The following NR5A2 variants were observed in gnomAD, a reference collection of about 807,000 sequenced individuals.
The protein encoded by NR5A2 is CYP7A promoter-binding factor.
Under a neutral mutation model 62.7 loss-of-function variants are expected in NR5A2, and 26 were observed. The observed-to-expected ratio is 0.41, with a 90% CI of 0.30 to 0.58. NR5A2 has a LOEUF of 0.58. Ranked by LOEUF, NR5A2 falls within the 20% of genes least tolerant of loss-of-function variation. The pLI, the probability that NR5A2 is intolerant of heterozygous loss-of-function variation, is 0.22. For synonymous variants in NR5A2, 246 were observed against 241.7 expected (o/e 1.02, Z -0.16); for missense variants, 541 against 669.1 (o/e 0.81, Z 2.11).
chr1:200,072,103 T>C (rs930131496), intron 5 of NR5A2, among the ~76,000 whole-genome samples: 4 of 152,164 alleles, frequency 2.6e-5, no homozygotes, highest in African/African-American at 9.7e-5. Context: ...AACTCATTTA[T>C]ATAAATCGAG....
chr1:200,035,204 G>T (rs1661720536), intron 1 of NR5A2, among the ~76,000 whole-genome samples: 1 of 152,154 alleles, frequency 6.6e-6, no homozygotes, highest in Non-Finnish European at 1.5e-5. Flanking sequence ...CTAAAAGGTA[G>T]ATATGTGGGA....
intron 5 of NR5A2, among the ~76,000 whole-genome samples, chr1:200,064,474 A>G (rs1420315241): frequency 1.3e-5 from 2 of 152,210 alleles, no homozygotes; most frequent in Admixed American, 1.3e-4. Flanking sequence ...TTGGCATAGC[A>G]CTTCTTGGAA....
Position 200,048,756 on chromosome 1 carries a change from G to A in NR5A2, c.1048G>A (p.Asp350Asn). The change falls in exon 5 of 8, where the codon GAT (aspartate) becomes AAT (asparagine). Residue 350 changes from aspartate to asparagine, a missense_variant. Physicochemically the swap from Asp to Asn is conservative, Grantham distance 23 (BLOSUM62 1). Coordinates refer to ENST00000367362, the MANE Select transcript of NR5A2 (RefSeq NM_205860.3). The surrounding 1 kb of genome is among the most constrained non-coding windows in gnomAD (Gnocchi z 4.8). ...CTTTGGGCTTATGTGCAAAATGGCAGATCAAACTCTCTTCTCCATTGTCGA... is the reference window on the plus strand; with the variant it reads ...CTTTGGGCTTATGTGCAAAATGGCAAATCAAACTCTCTTCTCCATTGTCGA... ...STFGLMCKMA[D>N]QTLFSIVEWA... 1 of 1,614,212 alleles carries A rather than the reference G, an allele frequency of 6.2e-7. No homozygotes were observed. The highest frequency in any genetic ancestry group is 8.5e-7 in the Non-Finnish European group (1 of 1,180,042).
At chr1:200,155,679 A>ATTTTTTTTTTTTTTTTT (rs1263750260) in intron 7 of NR5A2, among the ~76,000 whole-genome samples, 2 of 151,758 alleles carry the variant, frequency 1.3e-5, no homozygotes, top group African/African-American at 4.8e-5. Context: ...ATAATAAAAA[A>ATTTTTTTTTTTTTTTTT]ATTTTTTTTT....
chr1:200,038,401 C>T (rs1661881329), intron 1 of NR5A2, among the ~76,000 whole-genome samples: 1 of 152,126 alleles, frequency 6.6e-6, no homozygotes, highest in African/African-American at 2.4e-5. Flanking sequence ...GAGTCGCTGC[C>T]CCTTCCTCTA....
At chr1:200,080,779 T>C (rs896685867) in intron 5 of NR5A2, among the ~76,000 whole-genome samples, 5 of 152,246 alleles carry the variant, frequency 3.3e-5, no homozygotes, top group African/African-American at 1.2e-4. Flanking sequence ...GATCAGATAA[T>C]ATCTGAGTAT....
chr1:200,056,214 C>G (rs1662911780), intron 5 of NR5A2, among the ~76,000 whole-genome samples: 1 of 152,212 alleles, frequency 6.6e-6, no homozygotes, highest in South Asian at 2.1e-4. Context: ...TTCTTGCTCA[C>G]AATTCACTGA....
intron 5 of NR5A2, among the ~76,000 whole-genome samples, chr1:200,105,101 T>C (rs1665583325): frequency 6.6e-6 from 1 of 151,674 alleles, no homozygotes; most frequent in South Asian, 2.1e-4. Context: ...TTGAACCATA[T>C]GCGTGTGCCA....
At chr1:200,062,960 A>G (rs1049286778) in intron 5 of NR5A2, among the ~76,000 whole-genome samples, 2 of 152,054 alleles carry the variant, frequency 1.3e-5, no homozygotes, top group Non-Finnish European at 2.9e-5. Context: ...CACTATTGCT[A>G]TTAACACTTA....
At chr1:200,089,826 G>T (rs987576935) in intron 5 of NR5A2, among the ~76,000 whole-genome samples, 1 of 152,204 alleles carries the variant, frequency 6.6e-6, no homozygotes, top group African/African-American at 2.4e-5. Context: ...ATCCTGGGTT[G>T]TCTGGTTTGA....
chr1:200,137,320 T>TTC (rs1261971831), intron 7 of NR5A2, among the ~76,000 whole-genome samples: 3 of 142,930 alleles, frequency 2.1e-5, no homozygotes, highest in Non-Finnish European at 4.5e-5. Flanking sequence ...CTGGCTAATT[T>TTC]TTTTTTTTTT....
intron 7 of NR5A2, among the ~76,000 whole-genome samples, chr1:200,157,218 A>G (rs144168389): frequency 6.6e-5 from 10 of 152,346 alleles, no homozygotes; most frequent in East Asian, 1.9e-4. Flanking sequence ...ACTAATTTCA[A>G]TGTCTTATGG....
intron 5 of NR5A2, among the ~76,000 whole-genome samples, chr1:200,095,782 G>C (rs1409547108): frequency 1.3e-5 from 2 of 151,926 alleles, no homozygotes; most frequent in Non-Finnish European, 2.9e-5. Flanking sequence ...TCGATCTCCT[G>C]ACCTTGTGAT....
intron 1 of NR5A2, among the ~76,000 whole-genome samples, chr1:200,030,486 TC>T: frequency 6.6e-6 from 1 of 152,334 alleles, no homozygotes; most frequent in South Asian, 2.1e-4. Flanking sequence ...ACTAGATTGT[TC>T]CCTTAAAGTT....
rs965085968 is a variant in NR5A2, at chr1:200,147,665, C to T, written c.1379-26298C>T. On this transcript the variant is annotated intron_variant, in intron 7 of 7. Transcript: ENST00000367362. The surrounding 1 kb of genome is among the most constrained non-coding windows in gnomAD (Gnocchi z 4.9). ...TTGTCGATTGAGTTGAAGTCGGACA[C>T]GTGGAAGACATGGGTGGACTTGGGC... The T allele has an allele frequency of 2.3e-5, 16 of 698,588 alleles. No individual in the cohort carries two copies. The highest frequency in any genetic ancestry group is 2.7e-5 in the Non-Finnish European group (10 of 370,888). The allele number at this position is 698,588 out of a possible 1,614,324, so 43.3% of individuals were successfully genotyped here. A position where few individuals can be genotyped will look rare whatever the true frequency, so the allele number is the denominator to read the frequency against.
intron 7 of NR5A2, among the ~76,000 whole-genome samples, chr1:200,128,837 T>C (rs1666844424): frequency 6.6e-6 from 1 of 152,162 alleles, no homozygotes; most frequent in African/African-American, 2.4e-5. Flanking sequence ...TAATAGTAAA[T>C]AAAATGTTTA....
At chr1:200,043,945 C>A in intron 3 of NR5A2, 53 bp downstream of exon 3, 2 of 1,154,010 alleles carry the variant, frequency 1.7e-6, no homozygotes, top group African/African-American at 1.5e-5. Flanking sequence ...CCAAAATAAA[C>A]CAGTGGATTA....
At chr1:200,110,786 C>T (rs1665905291) in intron 5 of NR5A2, among the ~76,000 whole-genome samples, 1 of 152,102 alleles carries the variant, frequency 6.6e-6, no homozygotes, top group Non-Finnish European at 1.5e-5. Context: ...TGTACTATTT[C>T]AGCTTCACTT....
At chr1:200,115,052 G>A (rs1666154408) in intron 6 of NR5A2, among the ~76,000 whole-genome samples, 2 of 151,368 alleles carry the variant, frequency 1.3e-5, no homozygotes, top group African/African-American at 4.9e-5. Flanking sequence ...TTGTGGTTTA[G>A]TTAGTTAGTA....
Sources: allele counts gnomAD v4.1 joint callset (sites outside exome capture counted in the v4.1 genomes callset), GRCh38; gene constraint gnomAD v4.1.1; non-coding constraint Gnocchi (gnomAD v3.1); transcripts MANE v1.5; gene names NCBI Gene and HGNC (gene_info 2026-07-23, HGNC 2026-07-21).